Variants in AFG2A observed in about 807,000 individuals in gnomAD.
AFG2A encodes ATPase family gene 2 protein homolog A.
chr4:123,216,480 A>G, the AFG2A span, among the ~76,000 whole-genome samples: 113 of 152,292 alleles, frequency 7.4e-4, 2 homozygotes, highest in East Asian at 0.018. Flanking sequence ...ATGAGAAACT[A>G]TTAAAATGGT....
chr4:123,239,406 G>GA, the AFG2A span, among the ~76,000 whole-genome samples: 1 of 152,020 alleles, frequency 6.6e-6, no homozygotes, highest in Admixed American at 6.5e-5. Context: ...TGAAATGAAG[G>GA]AAAAAATGTT....
the AFG2A span, among the ~76,000 whole-genome samples, chr4:123,183,929 TATTTATTCATTCATTCATTC>T: frequency 8.8e-6 from 1 of 113,906 alleles, no homozygotes; most frequent in African/African-American, 4.6e-5. Context: ...CCAGCTTGCT[TATTTATTCATTCATTCATTC>T]ATTCATTCAT....
the AFG2A span, among the ~76,000 whole-genome samples, chr4:123,289,158 A>C: frequency 6.6e-6 from 1 of 151,668 alleles, no homozygotes; most frequent in African/African-American, 2.4e-5. Context: ...TTCATTCTTT[A>C]CCCCCACTCC....
At chr4:123,221,892 A>G in the AFG2A span, among the ~76,000 whole-genome samples, 26 of 152,298 alleles carry the variant, frequency 1.7e-4, no homozygotes, top group South Asian at 1.4e-3. Flanking sequence ...GCGCCACTGC[A>G]TTCCAGCCTG....
chr4:123,266,155 C>T, the AFG2A span, among the ~76,000 whole-genome samples: 1 of 151,982 alleles, frequency 6.6e-6, no homozygotes, highest in Non-Finnish European at 1.5e-5. Flanking sequence ...AAAAGATACA[C>T]ATGTAAAAGC....
the AFG2A span, among the ~76,000 whole-genome samples, chr4:123,125,158 T>C: frequency 6.6e-6 from 1 of 152,170 alleles, no homozygotes; most frequent in Non-Finnish European, 1.5e-5. Flanking sequence ...TCTAGACACG[T>C]ACAGAAAAAT....
the AFG2A span, among the ~76,000 whole-genome samples, chr4:123,179,103 T>C: frequency 6.6e-6 from 1 of 152,204 alleles, no homozygotes; most frequent in Non-Finnish European, 1.5e-5. Flanking sequence ...TTATAGAGCA[T>C]AGTAAGAAGC....
At chr4:123,076,234 C>T in the AFG2A span, among the ~76,000 whole-genome samples, 11 of 152,076 alleles carry the variant, frequency 7.2e-5, no homozygotes, top group African/African-American at 2.4e-4. Flanking sequence ...CACCACTGCA[C>T]TCCAGTCTGG....
the AFG2A span, among the ~76,000 whole-genome samples, chr4:123,304,857 G>A: frequency 2.0e-5 from 3 of 152,250 alleles, no homozygotes; most frequent in East Asian, 1.9e-4. Flanking sequence ...GACGTGAGGG[G>A]TGTCTCCCTC....
chr4:122,951,568 C>T, the AFG2A span, among the ~76,000 whole-genome samples: 1 of 152,120 alleles, frequency 6.6e-6, no homozygotes, highest in East Asian at 1.9e-4. Context: ...TGGAGAATCA[C>T]AATTTTCCTT....
the AFG2A span, among the ~76,000 whole-genome samples, chr4:122,973,328 G>A: frequency 6.6e-6 from 1 of 150,898 alleles, no homozygotes; most frequent in Admixed American, 6.6e-5. Flanking sequence ...GGTAAATTGG[G>A]GTTTTATTTT....
chr4:123,116,945 A>G, the AFG2A span, among the ~76,000 whole-genome samples: 1 of 152,222 alleles, frequency 6.6e-6, no homozygotes, highest in South Asian at 2.1e-4. Flanking sequence ...TGTGAATTAA[A>G]TCATATAATA....
At chr4:123,224,080 G>T in the AFG2A span, among the ~76,000 whole-genome samples, 1 of 151,900 alleles carries the variant, frequency 6.6e-6, no homozygotes, top group Non-Finnish European at 1.5e-5. Flanking sequence ...AATCCTTTTT[G>T]AGTTGATTTT....
the AFG2A span, among the ~76,000 whole-genome samples, chr4:122,999,348 A>G: frequency 2.0e-4 from 30 of 152,042 alleles, no homozygotes; most frequent in Non-Finnish European, 3.2e-4. Context: ...TTTTGTTGCC[A>G]TTGCTTTTGG....
chr4:122,929,085 G>A, the AFG2A span: 9 of 1,613,786 alleles, frequency 5.6e-6, no homozygotes, highest in East Asian at 2.2e-5. Context: ...AGGCAAGGTC[G>A]GCCTGAGTGA....
At chr4:123,218,225 T>C in the AFG2A span, among the ~76,000 whole-genome samples, 1 of 152,176 alleles carries the variant, frequency 6.6e-6, no homozygotes, top group African/African-American at 2.4e-5. Context: ...AGAAATGAAA[T>C]TATTTGCTAT....
chr4:123,056,564 T>A, the AFG2A span: 2 of 579,084 alleles, frequency 3.5e-6, no homozygotes, highest in Non-Finnish European at 5.3e-6. Context: ...GTGGTATTTT[T>A]TTTTCTTCAG....
the AFG2A span, among the ~76,000 whole-genome samples, chr4:122,964,296 G>A: frequency 3.3e-5 from 5 of 152,108 alleles, no homozygotes; most frequent in Non-Finnish European, 7.4e-5. Flanking sequence ...TTGAGGTCAG[G>A]AGTTCGAGAC....
chr4:123,154,037 G>A, the AFG2A span, among the ~76,000 whole-genome samples: 7 of 151,878 alleles, frequency 4.6e-5, no homozygotes, highest in Non-Finnish European at 7.4e-5. Flanking sequence ...CAAAATTATC[G>A]GACAAATTAA....
Sources: gnomAD v4.1 joint callset for allele counts (sites outside exome capture counted in the v4.1 genomes callset) on GRCh38, gnomAD v4.1.1 for gene constraint, MANE v1.5 for transcripts, NCBI Gene and HGNC (gene_info 2026-07-23, HGNC 2026-07-21) for gene names.